CMTR1: variants seen among roughly 807,000 people sequenced by gnomAD.
CMTR1 encodes cap methyltransferase 1.
In CMTR1, 39 loss-of-function variants were observed where a neutral mutation model predicts 107.0. The observed-to-expected ratio is 0.36, with a 90% CI of 0.28 to 0.48. The LOEUF is 0.48. Ranked by LOEUF, CMTR1 falls within the 20% of genes least tolerant of loss-of-function variation. The pLI is 0.99. For synonymous variants in CMTR1, 366 were observed against 379.5 expected, an observed-to-expected ratio of 0.96 and a Z score of 0.41; for missense variants, 672 against 1,064.9, an observed-to-expected ratio of 0.63 and a Z score of 5.14.
intron 18 of CMTR1, 35 bp from the exon 19 acceptor site, chr6:37,475,286 G>A (rs1197095941): frequency 6.4e-7 from 1 of 1,555,404 alleles, no homozygotes; most frequent in Admixed American, 1.7e-5. Flanking sequence ...GCTGACACCT[G>A]GCAGAGTGGG....
rs76733311 is a variant in CMTR1, at chr6:37,480,232, C to T, written c.*87C>T. 2.8e-3 allele frequency: 4,392 copies of T among 1,555,816 alleles called. 95 individuals are homozygous for T. In the African/African-American group the frequency reaches 0.053, roughly 19 times the overall value. The stretch of plus-strand genomic sequence containing the variant: ...GGCCCACAGTGCTGGCTTCTTCCCC[C>T]TCTTGAAAAGGGACTGGGGAGCATT... On this transcript the variant is annotated 3_prime_UTR_variant, in exon 24 of 24. Coordinates refer to ENST00000373451, the MANE Select transcript of CMTR1 (RefSeq NM_015050.3).
intron 8 of CMTR1, among the ~76,000 whole-genome samples, chr6:37,454,673 T>C (rs1761253172): frequency 6.6e-6 from 1 of 152,174 alleles, no homozygotes; most frequent in Admixed American, 6.5e-5. Context: ...GTTAGTTACA[T>C]AGGAAAAGGC....
At chr6:37,474,227 AT>A in intron 17 of CMTR1, among the ~76,000 whole-genome samples, 1 of 152,296 alleles carries the variant, frequency 6.6e-6, no homozygotes, top group East Asian at 1.9e-4. Flanking sequence ...CCTTAGACAT[AT>A]ACGAAACTGG....
Position 37,453,341 on chromosome 6 carries a change from A to G in CMTR1, c.777+29A>G, listed in dbSNP as rs774147747. On this transcript the variant is annotated intron_variant, in intron 8 of 23. Coordinates refer to ENST00000373451, the MANE Select transcript of CMTR1 (RefSeq NM_015050.3). ...AGAACAAGATTCTGCTTCTGAATTC[A>G]TGGTGCTAAGAGGGCTTAAGTTTCA... 3.1e-6 allele frequency: 5 copies of G among 1,603,382 alleles called. No homozygotes were observed. In the African/African-American group the frequency reaches 6.7e-5, roughly 21 times the overall value.
At chr6:37,453,205 T>C in intron 7 of CMTR1, 35 bp from the exon 8 acceptor site, 2 of 1,612,894 alleles carry the variant, frequency 1.2e-6, no homozygotes, top group Non-Finnish European at 8.5e-7. Context: ...TTGAGCCTAG[T>C]ACATCTAGTA....
At chr6:37,433,549 C>G (rs992672859) in intron 1 of CMTR1, among the ~76,000 whole-genome samples, 172 bp downstream of exon 1, 1 of 152,234 alleles carries the variant, frequency 6.6e-6, no homozygotes, top group African/African-American at 2.4e-5. Flanking sequence ...TCCCTGGAGC[C>G]CGAGCTGCCG....
chr6:37,478,438 G>A lies in CMTR1; in HGVS notation c.2183G>A (p.Ser728Asn). ...GAGATGAAGATCATCAAGGGCTCCA[G>A]TGGCACCCCAAAGCTCAGCTACACA... Reference protein sequence around the residue: ...RLEMKIIKGSSGTPKLSYTGR... With the variant: ...RLEMKIIKGSNGTPKLSYTGR... Residue 728 changes from serine (S) to asparagine (N), a missense_variant, in exon 22 of 24, where the codon AGT (serine) becomes AAT (asparagine). By Grantham distance (46) the Ser-to-Asn change is conservative. Around this residue, in one of 2 missense-constraint regions of CMTR1, gnomAD observed 583 missense variants for 968.4 expected, o/e 0.60. Coordinates refer to ENST00000373451, the MANE Select transcript of CMTR1 (RefSeq NM_015050.3). 1 of 1,614,104 alleles carries A rather than the reference G, an allele frequency of 6.2e-7. No homozygotes were observed.
Position 37,472,592 on chromosome 6 carries a change from G to C in CMTR1, c.1689+105G>C. ...GCATGGTCTCCAGAGGGCTTGTGCA[G>C]ATGCCCACCATGGGCTCTAAGGGGC... On this transcript the variant is annotated intron_variant, in intron 16 of 23. Coordinates refer to ENST00000373451, the MANE Select transcript of CMTR1 (RefSeq NM_015050.3). This position sits in a 1 kb window ranked among gnomAD's most constrained non-coding sequence, Gnocchi z 4.1. 3 of 1,156,782 alleles carry C rather than the reference G, an allele frequency of 2.6e-6. No homozygotes were observed. Among genetic ancestry groups the C allele is most frequent in the South Asian group, 2.5e-5 (2 of 79,696 alleles). The allele number at this position is 1,156,782 out of a possible 1,614,324, so 71.7% of individuals were successfully genotyped here.
At chr6:37,434,920 C>G (rs1372525377) in intron 1 of CMTR1, among the ~76,000 whole-genome samples, 1 of 152,180 alleles carries the variant, frequency 6.6e-6, no homozygotes, top group Non-Finnish European at 1.5e-5. Flanking sequence ...CTGGTTTCCA[C>G]TCTTTTTTGT....
chr6:37,450,839 C>T (rs940046572), intron 5 of CMTR1, among the ~76,000 whole-genome samples: 37 of 152,180 alleles, frequency 2.4e-4, no homozygotes, highest in African/African-American at 8.9e-4. Context: ...TTCAGGGGGT[C>T]CACAAGGGCA....
chr6:37,424,291 G>A, the CMTR1 span, among the ~76,000 whole-genome samples: 2 of 151,078 alleles, frequency 1.3e-5, no homozygotes, highest in Non-Finnish European at 3.0e-5. Flanking sequence ...CGCCCAGGCT[G>A]GAGTGCAGTG....
rs1387549607 is a variant in CMTR1 at position 37,474,532 on chromosome 6, G to C, written c.1830G>C (p.Gln610His). Reference sequence around the variant, plus strand: ...TTTCTCTCTGCCTGTAGAAATCCCAGATCTACACATGGGATGGCCGCCAGT... The same window carrying C: ...TTTCTCTCTGCCTGTAGAAATCCCACATCTACACATGGGATGGCCGCCAGT... Reference protein sequence around the residue: ...QKFLIGLGKSQIYTWDGRQSD... With the variant: ...QKFLIGLGKSHIYTWDGRQSD... Residue 610 changes from glutamine to histidine, a missense_variant, in exon 18 of 24, where the codon CAG becomes CAC. Physicochemically the swap from Gln to His is conservative, Grantham distance 24 (BLOSUM62 0). Coordinates refer to ENST00000373451, the MANE Select transcript of CMTR1 (RefSeq NM_015050.3). 1 of 1,613,806 alleles carries C rather than the reference G, an allele frequency of 6.2e-7. No individual in the cohort carries two copies. Among genetic ancestry groups the C allele is most frequent in the Admixed American group, 1.7e-5 (1 of 59,988 alleles).
chr6:37,434,626 T>C (rs1581723938), intron 1 of CMTR1, among the ~76,000 whole-genome samples: 1 of 152,334 alleles, frequency 6.6e-6, no homozygotes, highest in Middle Eastern at 3.4e-3. Context: ...CCTGTTTCTT[T>C]CTTTTTTGTT....
At chr6:37,450,913 G>A (rs564570364) in intron 5 of CMTR1, among the ~76,000 whole-genome samples, 1 of 152,262 alleles carries the variant, frequency 6.6e-6, no homozygotes, top group East Asian at 1.9e-4. Flanking sequence ...TCTCACAAGT[G>A]TTCAGTGGAG....
chr6:37,426,708 C>T, the CMTR1 span, among the ~76,000 whole-genome samples: 1 of 152,100 alleles, frequency 6.6e-6, no homozygotes, highest in East Asian at 1.9e-4. Flanking sequence ...CAATTTTCCT[C>T]AGATCTTTTT....
In CMTR1 at chr6:37,481,373, G is replaced by T; in HGVS notation, c.*1228G>T. 8.4e-7 allele frequency: 1 copy of T among 1,188,594 alleles called. No homozygotes were observed. Among genetic ancestry groups the T allele is most frequent in the South Asian group, 1.6e-5 (1 of 63,108 alleles). The allele number at this position is 1,188,594 out of a possible 1,614,324, so 73.6% of individuals were successfully genotyped here. A position where few individuals can be genotyped will look rare whatever the true frequency, so the allele number is the denominator to read the frequency against. ...AGGTTGGAATCGACTTCACCATGGG[G>T]GTCCTTCAGCCAGCATCCAGCTCCC... is the stretch of plus-strand genomic sequence containing the variant. On this transcript the variant is annotated 3_prime_UTR_variant, in exon 24 of 24. Coordinates refer to ENST00000373451, the MANE Select transcript of CMTR1 (RefSeq NM_015050.3).
chr6:37,475,454 A>G, intron 19 of CMTR1, 42 bp downstream of exon 19: 1 of 1,566,066 alleles, frequency 6.4e-7, no homozygotes, highest in Non-Finnish European at 8.8e-7. Flanking sequence ...GGGGTAGGCC[A>G]GGGCAGCTTG....
Position 37,444,027 on chromosome 6 carries a change from T to A in CMTR1, c.162T>A (p.Asp54Glu). ...KASTTSLSGS[D>E]SETEGKQHSS... is the part of the protein sequence containing the mutation. ...CTACTACAAGCCTTAGTGGGTCTGA[T>A]AGTGAGACCGAGGGGAAACAACACA... The change falls in exon 3 of 24, where the codon GAT (aspartate) becomes GAA (glutamate). Residue 54 changes from aspartate (D) to glutamate (E), a missense_variant. Physicochemically the swap from Asp to Glu is conservative, Grantham distance 45. This residue lies in a region of CMTR1 where 89 missense variants were observed against 96.6 expected (regional missense o/e 0.92). Transcript: ENST00000373451. The A allele has an allele frequency of 6.2e-7, 1 of 1,614,178 alleles. No individual in the cohort carries two copies. The highest frequency in any genetic ancestry group is 8.5e-7 in the Non-Finnish European group (1 of 1,180,020).
intron 6 of CMTR1, among the ~76,000 whole-genome samples, chr6:37,452,370 C>T (rs1409067553): frequency 6.6e-6 from 1 of 152,144 alleles, no homozygotes; most frequent in Non-Finnish European, 1.5e-5. Context: ...GTTAGCCTCC[C>T]CTTGACACTT....
Sources: gnomAD v4.1 joint callset for allele counts (sites outside exome capture counted in the v4.1 genomes callset) on GRCh38, gnomAD v4.1.1 for gene constraint, gnomAD v4.1.1 regional missense constraint, Gnocchi (gnomAD v3.1) non-coding constraint, MANE v1.5 for transcripts, NCBI Gene and HGNC (gene_info 2026-07-23, HGNC 2026-07-21) for gene names.